PPFIBP2: variants seen among roughly 807,000 people sequenced by gnomAD.
The protein encoded by PPFIBP2 is liprin-beta-2.
In PPFIBP2, 118 loss-of-function variants were observed where a neutral mutation model predicts 118.3. The observed-to-expected ratio is 1.00, with a 90% CI of 0.86 to 1.16. The LOEUF is 1.16. PPFIBP2 is among the 50% of genes most tolerant of loss of function. The pLI, the probability that PPFIBP2 is intolerant of heterozygous loss-of-function variation, is 0.00. For missense variants in PPFIBP2, 1,195 were observed against 1,073.1 expected (o/e 1.11, Z -1.59); for synonymous variants, 414 against 397.4 (o/e 1.04, Z -0.50).
chr11:7,648,594 C>T, intron 18 of PPFIBP2, 57 bp downstream of exon 18: 1 of 1,591,340 alleles, frequency 6.3e-7, no homozygotes, highest in Middle Eastern at 1.7e-4. Context: ...CATGGGGAGG[C>T]CAGGGTCCGC....
rs532645127 is a variant in PPFIBP2, at chr11:7,606,294, A to G, written c.487-3997A>G. 1.0e-3 allele frequency among the ~76,000 whole-genome samples: 152 copies of G among 152,374 alleles called. 1 individual carries two copies. The South Asian group carries it at 0.03, about 30-fold the overall frequency. On this transcript the variant is annotated intron_variant, in intron 5 of 23. Coordinates refer to ENST00000299492, the MANE Select transcript of PPFIBP2 (RefSeq NM_003621.5). Reference sequence around the variant, plus strand: ...ACATGATTCACTTTATGTTGGAAGTAGAAGGAGCAATTGAGGATGTAGGAT... The same window carrying G: ...ACATGATTCACTTTATGTTGGAAGTGGAAGGAGCAATTGAGGATGTAGGAT...
intron 3 of PPFIBP2, among the ~76,000 whole-genome samples, chr11:7,590,697 T>C (rs1859094188): frequency 6.6e-6 from 1 of 152,252 alleles, no homozygotes; most frequent in African/African-American, 2.4e-5. Context: ...GCTTGCTGTG[T>C]ATTTACAGCA....
At chr11:7,639,652 A>ATACAAAATC in intron 14 of PPFIBP2, 80 bp from the exon 15 acceptor site, 2 of 1,575,762 alleles carry the variant, frequency 1.3e-6, no homozygotes, top group Non-Finnish European at 1.7e-6. Flanking sequence ...CAAAACAGGG[A>ATACAAAATC]GTTGTTCTGT....
intron 5 of PPFIBP2, among the ~76,000 whole-genome samples, chr11:7,601,217 C>T (rs1371386535): frequency 6.6e-6 from 1 of 152,202 alleles, no homozygotes; most frequent in Non-Finnish European, 1.5e-5. Flanking sequence ...CATCCTCAGT[C>T]TGTCGCTGCT....
intron 7 of PPFIBP2, among the ~76,000 whole-genome samples, chr11:7,625,100 A>G (rs371347468): frequency 3.3e-5 from 5 of 152,180 alleles, no homozygotes; most frequent in Non-Finnish European, 7.3e-5. Flanking sequence ...ATATGAATGT[A>G]TGTGTGTACT....
intron 6 of PPFIBP2, 79 bp from the exon 7 acceptor site, chr11:7,620,856 G>A: frequency 1.0e-6 from 1 of 983,358 alleles, no homozygotes; most frequent in Non-Finnish European, 1.6e-6. Context: ...CACCCCATAT[G>A]CATGAGCTTA....
At chr11:7,546,283 T>C (rs1852322949) in intron 1 of PPFIBP2, among the ~76,000 whole-genome samples, 1 of 152,218 alleles carries the variant, frequency 6.6e-6, no homozygotes, top group East Asian at 1.9e-4. Flanking sequence ...TGTTTTGTAT[T>C]TGAATTTTCA....
intron 8 of PPFIBP2, among the ~76,000 whole-genome samples, chr11:7,626,682 G>A: frequency 6.6e-6 from 1 of 152,216 alleles, no homozygotes; most frequent in East Asian, 1.9e-4. Context: ...CTCAACTACT[G>A]TAATGAACAC....
At chr11:7,554,785 T>TGACTAGACTAGACTA (rs530273964) in intron 2 of PPFIBP2, among the ~76,000 whole-genome samples, 8,782 of 129,710 alleles carry the variant, frequency 0.068, 342 homozygotes, top group South Asian at 0.16. Flanking sequence ...GAATCCCAGG[T>TGACTAGACTAGACTA]GACTAGACTA....
At position 7,632,899 on chromosome 11, in the gene PPFIBP2, G is replaced by A; in HGVS notation, c.1101G>A (p.Gly367=). ...MPPRCSSPTV[G]PPPLPQKSLE... is the part of the protein sequence containing the mutation. ...CAAGATGTAGCTCTCCTACAGTGGG[G>A]CCACCTCCATTGCCACAGAAATCAC... The change falls in exon 12 of 24, where the codon GGG becomes GGA. Residue 367 remains glycine (G), a synonymous_variant. Coordinates refer to ENST00000299492, the MANE Select transcript of PPFIBP2 (RefSeq NM_003621.5). The A allele has an allele frequency of 6.2e-7, 1 of 1,613,904 alleles. No homozygotes were observed. Among genetic ancestry groups the A allele is most frequent in the South Asian group, 1.1e-5 (1 of 91,062 alleles).
At chr11:7,593,440 T>C (rs1437474230) in intron 4 of PPFIBP2, among the ~76,000 whole-genome samples, 1 of 152,212 alleles carries the variant, frequency 6.6e-6, no homozygotes, top group African/African-American at 2.4e-5. Flanking sequence ...AATTCAGTCA[T>C]TCATTTATCA....
chr11:7,662,518 C>A, the PPFIBP2 span, among the ~76,000 whole-genome samples: 1 of 151,482 alleles, frequency 6.6e-6, no homozygotes, highest in African/African-American at 2.4e-5. Flanking sequence ...GAGAGATCCG[C>A]TGTTAGTCTG....
At chr11:7,569,075 G>C (rs149384211) in intron 3 of PPFIBP2, 1 of 152,238 alleles carries the variant, frequency 6.6e-6, no homozygotes, top group African/African-American at 2.4e-5. Flanking sequence ...AGAAGCAGGG[G>C]TAGATGTGGA....
At chr11:7,549,730 CT>C (rs1852751778) in intron 2 of PPFIBP2, among the ~76,000 whole-genome samples, 191 bp downstream of exon 2, 1 of 149,526 alleles carries the variant, frequency 6.7e-6, no homozygotes, top group South Asian at 2.1e-4. Flanking sequence ...TCTCTGATGT[CT>C]GGTGTGATCG....
downstream of PPFIBP2, among the ~76,000 whole-genome samples, chr11:7,659,109 T>C (rs1398058557): frequency 6.7e-6 from 1 of 148,602 alleles, no homozygotes; most frequent in Non-Finnish European, 1.5e-5. Flanking sequence ...TTCACTCTGA[T>C]GGTAGTTTCC....
downstream of PPFIBP2, among the ~76,000 whole-genome samples, chr11:7,661,736 T>C (rs1469847331): frequency 2.3e-5 from 2 of 86,942 alleles, 1 homozygote; most frequent in Non-Finnish European, 5.4e-5. Context: ...TGTCTAATGT[T>C]GACAGTGGGG....
chr11:7,605,920 A>G (rs1251914199), intron 5 of PPFIBP2: 4 of 1,523,540 alleles, frequency 2.6e-6, no homozygotes, highest in Non-Finnish European at 8.7e-7. Flanking sequence ...AGCCTGTTGG[A>G]GCTGAGGTCA....
the PPFIBP2 span, chr11:7,665,825 A>G: frequency 2.6e-6 from 4 of 1,533,406 alleles, no homozygotes; most frequent in East Asian, 9.8e-5. Context: ...AACGAGGTAT[A>G]CCGAGGTGTG....
the PPFIBP2 span, among the ~76,000 whole-genome samples, chr11:7,663,294 C>G: frequency 2.0e-5 from 3 of 148,366 alleles, no homozygotes; most frequent in East Asian, 2.0e-4. Context: ...TACTTTTGGT[C>G]TTTGATGATG....
Sources: allele counts gnomAD v4.1 joint callset (sites outside exome capture counted in the v4.1 genomes callset), GRCh38; gene constraint gnomAD v4.1.1; transcripts MANE v1.5; gene names NCBI Gene and HGNC (gene_info 2026-07-23, HGNC 2026-07-21).